Variants in GAB1 observed in about 807,000 individuals in gnomAD.
GAB1 encodes GRB2-associated-binding protein 1.
Under a neutral mutation model 66.5 loss-of-function variants are expected in GAB1, and 19 were observed. That is an observed-to-expected ratio of 0.29 (90% CI 0.20 to 0.42). The LOEUF is 0.42. Among genes scored for constraint, GAB1 ranks in the 10% least tolerant of loss-of-function variants. GAB1 has a pLI of 1.00. For synonymous variants in GAB1, 294 were observed against 301.4 expected, an observed-to-expected ratio of 0.98 and a Z score of 0.25; for missense variants, 732 against 858.5, an observed-to-expected ratio of 0.85 and a Z score of 1.84.
rs182708064 is a variant in GAB1, at chr4:143,354,423, A to G, written c.72+17163A>G. Among the ~76,000 whole-genome samples, 601 of 152,306 alleles carry G rather than the reference A, an allele frequency of 3.9e-3. 1 individual carries two copies. Among genetic ancestry groups the G allele is most frequent in the Admixed American group, 6.9e-3 (106 of 15,304 alleles). The stretch of plus-strand genomic sequence containing the variant: ...GCTCTTAGAGAGAAGCATAACATTA[A>G]ATAGCTATCCAAATGCAACATTGAG... On this transcript the variant is annotated intron_variant, in intron 1 of 9. Transcript: ENST00000262994.
At position 143,397,317 on chromosome 4, in the gene GAB1, TA is replaced by T. The variant is rs1731500009; in HGVS notation, c.73-18157del. On this transcript the variant is annotated intron_variant, in intron 1 of 9. Coordinates refer to ENST00000262994, the MANE Select transcript of GAB1 (RefSeq NM_002039.4). ...CACAAAAAGGTTAATCCTGCTTGTA[TA>T]AACTTAATTCTTTAATAATGATACT... 2.6e-5 allele frequency among the ~76,000 whole-genome samples: 4 copies of T among 152,354 alleles called. No homozygotes were observed. In the South Asian group the frequency reaches 8.3e-4, roughly 32 times the overall value.
chr4:143,389,103 A>T (rs1560734914), intron 1 of GAB1, among the ~76,000 whole-genome samples: 1 of 152,250 alleles, frequency 6.6e-6, no homozygotes, highest in African/African-American at 2.4e-5. Flanking sequence ...TACTCACAGA[A>T]GGTGGTATTT....
intron 2 of GAB1, among the ~76,000 whole-genome samples, chr4:143,421,698 C>CTTTTTTTTTTTTTTTTTTTTTTTTTT (rs70953733): frequency 4.6e-4 from 55 of 118,676 alleles, no homozygotes; most frequent in Non-Finnish European, 7.7e-4. Context: ...CTTTTCTTTT[C>CTTTTTTTTTTTTTTTTTTTTTTTTTT]TTTTTTTTTT....
chr4:143,339,691 A>T (rs1171698018), intron 1 of GAB1, among the ~76,000 whole-genome samples: 4 of 152,208 alleles, frequency 2.6e-5, no homozygotes, highest in Non-Finnish European at 4.4e-5. Flanking sequence ...AGACAAGTAT[A>T]TGTGAAAAAG....
intron 1 of GAB1, among the ~76,000 whole-genome samples, chr4:143,384,007 A>T (rs1730774736): frequency 6.6e-6 from 1 of 152,172 alleles, no homozygotes; most frequent in Non-Finnish European, 1.5e-5. Flanking sequence ...CAGGAGTTTG[A>T]GGCTGCAGTG....
At chr4:143,449,490 T>G (rs1173187418) in intron 6 of GAB1, among the ~76,000 whole-genome samples, 1 of 152,090 alleles carries the variant, frequency 6.6e-6, no homozygotes, top group Non-Finnish European at 1.5e-5. Flanking sequence ...TGGGTGCATA[T>G]ATATTTAGGA....
chr4:143,414,040 C>T (rs1320156500), intron 1 of GAB1, among the ~76,000 whole-genome samples: 2 of 151,924 alleles, frequency 1.3e-5, no homozygotes, highest in African/African-American at 2.4e-5. Context: ...CCAGGCTGGT[C>T]TCGAACTCCT....
At chr4:143,343,260 A>G (rs1298399194) in intron 1 of GAB1, among the ~76,000 whole-genome samples, 1 of 152,198 alleles carries the variant, frequency 6.6e-6, no homozygotes, top group African/African-American at 2.4e-5. Flanking sequence ...CTCTTCAATA[A>G]GCTGCAACAT....
intron 1 of GAB1, among the ~76,000 whole-genome samples, chr4:143,410,152 C>T (rs567357238): frequency 1.1e-4 from 16 of 151,980 alleles, no homozygotes; most frequent in African/African-American, 3.4e-4. Context: ...TCTCTCTTGC[C>T]TGCCCATATA....
intron 3 of GAB1, chr4:143,434,094 G>A (rs1218234339): frequency 7.7e-7 from 1 of 1,293,586 alleles, no homozygotes; most frequent in East Asian, 5.5e-5. Flanking sequence ...CCAGCCAAGG[G>A]TCATCTTTTG....
chr4:143,401,269 T>A (rs898943042), intron 1 of GAB1, among the ~76,000 whole-genome samples: 11 of 152,274 alleles, frequency 7.2e-5, no homozygotes, highest in African/African-American at 2.6e-4. Context: ...TCAAGAGATC[T>A]TTTTTTGGAA....
rs1397272320 is a variant in GAB1 at position 143,438,646 on chromosome 4, A to G, written c.1195+46A>G. 2.6e-6 allele frequency: 4 copies of G among 1,556,348 alleles called. No individual in the cohort carries two copies. In the African/African-American group the frequency reaches 5.5e-5, roughly 21 times the overall value. The stretch of plus-strand genomic sequence containing the variant: ...TCTCTATTAGAGGTTAATGATAGAA[A>G]ATCGATTTTTCTGAATATTTGTTCT... On this transcript the variant is annotated intron_variant, in intron 4 of 9. Coordinates refer to ENST00000262994, the MANE Select transcript of GAB1 (RefSeq NM_002039.4).
chr4:143,345,983 T>C (rs1728979819), intron 1 of GAB1, among the ~76,000 whole-genome samples: 1 of 152,232 alleles, frequency 6.6e-6, no homozygotes, highest in South Asian at 2.1e-4. Flanking sequence ...TGCCTCGTTG[T>C]AGTTTTTATT....
In GAB1 at chr4:143,384,562, G is replaced by A. The variant is rs1043847927; in HGVS notation, c.73-30915G>A. Among the ~76,000 whole-genome samples, 6 of 152,200 alleles carry A rather than the reference G, an allele frequency of 3.9e-5. 1 individual carries two copies. The highest frequency in any genetic ancestry group is 1.4e-4 in the African/African-American group (6 of 41,454). On this transcript the variant is annotated intron_variant, in intron 1 of 9. Coordinates refer to ENST00000262994, the MANE Select transcript of GAB1 (RefSeq NM_002039.4). ...ATGGAGCCAGATGGTCCTCATGATCGATGCCAAGCTCCCAACAGAGACAAA... is the reference window on the plus strand; with the variant it reads ...ATGGAGCCAGATGGTCCTCATGATCAATGCCAAGCTCCCAACAGAGACAAA...
intron 1 of GAB1, among the ~76,000 whole-genome samples, chr4:143,337,540 ACTC>A (rs1728701934): frequency 6.6e-6 from 1 of 151,888 alleles, no homozygotes; most frequent in Non-Finnish European, 1.5e-5. Context: ...GTCCAGCTAA[ACTC>A]CTGCTGCATG....
Position 143,437,983 on chromosome 4 carries a change from A to G in GAB1, c.594-16A>G. On this transcript the variant is annotated splice_polypyrimidine_tract_variant and intron_variant, in intron 3 of 9. Coordinates refer to ENST00000262994, the MANE Select transcript of GAB1 (RefSeq NM_002039.4). ...TCTCCACCTTGTTTATTCTGTCATT[A>G]ACAATTTTTATTTAGAACGCATGCT... The G allele has an allele frequency of 6.3e-7, 1 of 1,597,958 alleles. No homozygotes were observed. The highest frequency in any genetic ancestry group is 1.3e-5 in the African/African-American group (1 of 74,392).
intron 1 of GAB1, among the ~76,000 whole-genome samples, chr4:143,384,755 A>G (rs568871388): frequency 6.6e-5 from 10 of 152,342 alleles, no homozygotes; most frequent in Non-Finnish European, 1.2e-4. Context: ...TCTAATGGGC[A>G]GTGAAGGAGG....
intron 1 of GAB1, among the ~76,000 whole-genome samples, chr4:143,400,627 A>G (rs1731718776): frequency 6.6e-6 from 1 of 152,106 alleles, no homozygotes. Context: ...GTTACCAAAA[A>G]TGTATTTACT....
At chr4:143,457,679 G>T (rs1427177120) in intron 6 of GAB1, 2 of 1,452,592 alleles carry the variant, frequency 1.4e-6, no homozygotes, top group East Asian at 5.0e-5. Context: ...TTACCAATTA[G>T]GTCAAAGTCC....
Sources: gnomAD v4.1 joint callset for allele counts (sites outside exome capture counted in the v4.1 genomes callset) on GRCh38, gnomAD v4.1.1 for gene constraint, MANE v1.5 for transcripts, NCBI Gene and HGNC (gene_info 2026-07-23, HGNC 2026-07-21) for gene names.